TJP1: variants seen among roughly 807,000 people sequenced by gnomAD.
TJP1 encodes the protein tight junction protein ZO-1.
In TJP1, 43 loss-of-function variants were observed where a neutral mutation model predicts 194.2. That is an observed-to-expected ratio of 0.22 (90% CI 0.17 to 0.29). The LOEUF (loss-of-function observed/expected upper bound fraction) is 0.29. Ranked by LOEUF, TJP1 falls within the 10% of genes least tolerant of loss-of-function variation. TJP1 has a pLI of 1.00. For missense variants in TJP1, 1,971 were observed against 2,185.7 expected (o/e 0.90, Z 1.96); for synonymous variants, 801 against 779.0 (o/e 1.03, Z -0.47).
chr15:29,802,183 G>C (rs763021192), intron 1 of TJP1, among the ~76,000 whole-genome samples: 2 of 152,076 alleles, frequency 1.3e-5, no homozygotes, highest in South Asian at 4.2e-4. Context: ...AAAGGGAGAA[G>C]GCTAAGCATG....
chr15:29,727,096 CA>C, intron 16 of TJP1, 105 bp from the exon 17 acceptor site: 1 of 1,014,930 alleles, frequency 9.9e-7, no homozygotes, highest in South Asian at 1.6e-5. Flanking sequence ...ATAATCCTAG[CA>C]CTTTGGGAGG....
intron 25 of TJP1, among the ~76,000 whole-genome samples, chr15:29,706,878 C>A (rs2041931740): frequency 6.6e-6 from 1 of 152,060 alleles, no homozygotes; most frequent in Non-Finnish European, 1.5e-5. Context: ...CAGGATGGAA[C>A]TCCTGACTTC....
At chr15:29,944,228 G>A (rs1397611598) in intron 2 of TJP1, among the ~76,000 whole-genome samples, 1 of 151,816 alleles carries the variant, frequency 6.6e-6, no homozygotes, top group African/African-American at 2.4e-5. Context: ...GACTAGCTGG[G>A]ATTACAGGCG....
intron 2 of TJP1, among the ~76,000 whole-genome samples, chr15:29,900,255 G>A (rs2053596032): frequency 6.6e-6 from 1 of 152,218 alleles, no homozygotes; most frequent in South Asian, 2.1e-4. Context: ...AGGGGAAAGA[G>A]AAGGAGGAGA....
chr15:29,918,244 G>T lies in TJP1; in HGVS notation c.306+37988C>A, dbSNP rs1247233198. ...CCATTCATCCATCAGTGGGCACCTGGGTTGCTTCCACCTTTTGGCTATTGC... is the reference window on the plus strand; with the variant it reads ...CCATTCATCCATCAGTGGGCACCTGTGTTGCTTCCACCTTTTGGCTATTGC... On this transcript the variant is annotated intron_variant, in intron 2 of 28. Transcript: ENST00000356107. Among the ~76,000 whole-genome samples, 5 of 152,268 alleles carry T rather than the reference G, an allele frequency of 3.3e-5. No homozygotes were observed. In the East Asian group the frequency reaches 9.6e-4, roughly 29 times the overall value.
intron 27 of TJP1, among the ~76,000 whole-genome samples, chr15:29,703,040 T>C (rs1446661463): frequency 2.0e-5 from 3 of 152,208 alleles, no homozygotes; most frequent in Non-Finnish European, 4.4e-5. Flanking sequence ...GAAAAAGTCA[T>C]TTACAAATAG....
chr15:29,929,359 C>T (rs1719359), intron 2 of TJP1, among the ~76,000 whole-genome samples: 51,661 of 151,720 alleles, frequency 0.34, 10,967 homozygotes, highest in African/African-American at 0.61. Context: ...TAGAGTTTTA[C>T]GTGTGTATTA....
chr15:29,961,334 C>CTTTTTT lies in TJP1; in HGVS notation c.174-4976_174-4971dup, dbSNP rs5811594. On this transcript the variant is annotated intron_variant, in intron 1 of 28. Transcript: ENST00000356107. ...CAATGAGGTTTTACTTTTCCTAATT[C>CTTTTTT]TTTTTTTTTTTTTTTTTTTTTTTTT... is the stretch of plus-strand genomic sequence containing the variant. 1.7e-3 allele frequency among the ~76,000 whole-genome samples: 156 copies of CTTTTTT among 89,810 alleles called. 1 individual carries two copies. Among genetic ancestry groups the CTTTTTT allele is most frequent in the African/African-American group, 2.0e-3 (43 of 21,802 alleles). 58.9% of individuals were successfully genotyped at this position (89,810 alleles called of 152,430 possible). A position where few individuals can be genotyped will look rare whatever the true frequency, so the allele number is the denominator to read the frequency against.
intron 7 of TJP1, 58 bp downstream of exon 7, chr15:29,761,543 C>T (rs1388610651): frequency 2.0e-6 from 3 of 1,529,562 alleles, no homozygotes; most frequent in Non-Finnish European, 2.6e-6. Flanking sequence ...TTCAATCTCC[C>T]TAGTATTTTA....
At chr15:29,828,084 C>A (rs2050728631) in intron 2 of TJP1, among the ~76,000 whole-genome samples, 1 of 152,162 alleles carries the variant, frequency 6.6e-6, no homozygotes, top group Non-Finnish European at 1.5e-5. Context: ...CCCAGGAATA[C>A]CATGATCTAA....
intron 5 of TJP1, among the ~76,000 whole-genome samples, chr15:29,764,217 A>C (rs1323086124): frequency 6.6e-6 from 1 of 152,196 alleles, no homozygotes; most frequent in Non-Finnish European, 1.5e-5. Context: ...ACTAGGGGGA[A>C]GGAGAAGGCC....
At chr15:29,785,547 T>C (rs148239991) in intron 2 of TJP1, among the ~76,000 whole-genome samples, 1 of 152,336 alleles carries the variant, frequency 6.6e-6, no homozygotes, top group Non-Finnish European at 1.5e-5. Context: ...CTGCTTAATT[T>C]ATTCTCCAAA....
rs3084406 is a variant in TJP1, at chr15:29,863,298, A to AAAAT, written c.307-62600_307-62597dup. 5.3e-5 allele frequency among the ~76,000 whole-genome samples: 8 copies of AAAAT among 151,064 alleles called. No homozygotes were observed. In the East Asian group the frequency reaches 1.6e-3, roughly 30 times the overall value. On this transcript the variant is annotated intron_variant, in intron 2 of 28. Coordinates refer to the TJP1 transcript ENST00000356107. Reference sequence around the variant, plus strand: ...GCGACAAAGCGAGCCTTTGTCTCAAAAAATAAATAAATAAATAAATCTGAT... The same window carrying AAAAT: ...GCGACAAAGCGAGCCTTTGTCTCAAAAAATAAATAAATAAATAAATAAATCTGAT...
intron 8 of TJP1, among the ~76,000 whole-genome samples, chr15:29,758,055 T>C (rs1476705978): frequency 6.6e-6 from 1 of 152,246 alleles, no homozygotes; most frequent in Non-Finnish European, 1.5e-5. Context: ...GATTTTCTTA[T>C]TAACACTTTC....
At chr15:29,866,521 T>G (rs1198074092) in intron 2 of TJP1, among the ~76,000 whole-genome samples, 1 of 152,232 alleles carries the variant, frequency 6.6e-6, no homozygotes, top group Non-Finnish European at 1.5e-5. Flanking sequence ...GCAGCATTCT[T>G]CATTTTATTA....
chr15:29,949,658 ACC>A (rs2055543705), intron 2 of TJP1, among the ~76,000 whole-genome samples: 2 of 104,902 alleles, frequency 1.9e-5, no homozygotes, highest in African/African-American at 3.3e-5. Context: ...CACCACCTCC[ACC>A]TCCACAACCA....
At chr15:29,964,140 A>T (rs2056255031) in intron 1 of TJP1, among the ~76,000 whole-genome samples, 1 of 152,174 alleles carries the variant, frequency 6.6e-6, no homozygotes, top group South Asian at 2.1e-4. Context: ...GTCTTTGCTG[A>T]TGTAATTAAA....
At chr15:29,949,300 C>A (rs1567224437) in intron 2 of TJP1, among the ~76,000 whole-genome samples, 63 of 128,518 alleles carry the variant, frequency 4.9e-4, no homozygotes, top group African/African-American at 1.7e-3. Flanking sequence ...TCACCTCCAC[C>A]ACCACCACCT....
At chr15:29,948,789 T>G (rs2055375119) in intron 2 of TJP1, among the ~76,000 whole-genome samples, 1 of 152,032 alleles carries the variant, frequency 6.6e-6, no homozygotes, top group Non-Finnish European at 1.5e-5. Context: ...TTAGACCAGT[T>G]TGAGTTAGTG....
Sources: gnomAD v4.1 joint callset for allele counts (sites outside exome capture counted in the v4.1 genomes callset) on GRCh38, gnomAD v4.1.1 for gene constraint, MANE v1.5 for transcripts, NCBI Gene and HGNC (gene_info 2026-07-23, HGNC 2026-07-21) for gene names.